DCC: variants seen among roughly 807,000 people sequenced by gnomAD.
DCC encodes DCC netrin 1 receptor, also known as netrin receptor DCC.
Under a neutral mutation model 172.5 loss-of-function variants are expected in DCC, and 58 were observed. The ratio of observed to expected loss-of-function variants is 0.34; its 90% confidence interval spans 0.27 to 0.42. DCC has a LOEUF of 0.42. Among genes scored for constraint, DCC ranks in the 10% least tolerant of loss-of-function variants. DCC has a pLI of 1.00. For synonymous variants in DCC, 709 were observed against 644.5 expected, an observed-to-expected ratio of 1.10 and a Z score of -1.52; for missense variants, 1,740 against 1,791.0, an observed-to-expected ratio of 0.97 and a Z score of 0.51.
intron 1 of DCC, among the ~76,000 whole-genome samples, chr18:52,374,629 C>G (rs1985269151): frequency 6.6e-6 from 1 of 151,946 alleles, no homozygotes; most frequent in Non-Finnish European, 1.5e-5. Flanking sequence ...CTTTTGAAAC[C>G]AAGGAAATGA....
chr18:52,854,689 C>T (rs968424558), intron 2 of DCC, among the ~76,000 whole-genome samples: 1 of 152,166 alleles, frequency 6.6e-6, no homozygotes, highest in African/African-American at 2.4e-5. Context: ...AAAATAGAAT[C>T]GCCTTGTAAG....
chr18:52,920,007 GAATGTCCATATACAAAA>G (rs1344112061), intron 3 of DCC, among the ~76,000 whole-genome samples: 2 of 88,158 alleles, frequency 2.3e-5, no homozygotes, highest in East Asian at 6.9e-4. Context: ...TGGAACAATA[GAATGTCCATATACAAAA>G]AAAAAAAAAA....
intron 1 of DCC, among the ~76,000 whole-genome samples, chr18:52,367,191 G>A (rs1054012316): frequency 1.9e-4 from 28 of 150,774 alleles, no homozygotes; most frequent in African/African-American, 6.7e-4. Context: ...CTGGCCGACT[G>A]CTCTGAGTGC....
At chr18:53,048,492 TGTGTGTG>T (rs2042289419) in intron 5 of DCC, among the ~76,000 whole-genome samples, 1 of 52,484 alleles carries the variant, frequency 1.9e-5, no homozygotes, top group Non-Finnish European at 3.2e-5. Flanking sequence ...CCATGGTTTG[TGTGTGTG>T]TGTGTGTGTG....
chr18:53,340,047 T>TACACACAC (rs151131015), intron 15 of DCC, 140 bp downstream of exon 15: 30,438 of 587,582 alleles, frequency 0.052, 396 homozygotes, highest in African/African-American at 0.082. Context: ...ACTGTCTATC[T>TACACACAC]ACACACACAC....
At chr18:52,394,411 G>A (rs1422684013) in intron 1 of DCC, among the ~76,000 whole-genome samples, 1 of 151,782 alleles carries the variant, frequency 6.6e-6, no homozygotes, top group Non-Finnish European at 1.5e-5. Flanking sequence ...GACCACACGT[G>A]TGCTCTACCA....
intron 27 of DCC, among the ~76,000 whole-genome samples, chr18:53,504,951 G>A (rs971840794): frequency 2.0e-5 from 3 of 152,118 alleles, no homozygotes; most frequent in Non-Finnish European, 4.4e-5. Context: ...TAACTTTGAA[G>A]ATAGATAGAT....
chr18:53,092,112 C>T (rs1324174661), intron 7 of DCC, among the ~76,000 whole-genome samples: 10 of 152,062 alleles, frequency 6.6e-5, no homozygotes, highest in Admixed American at 2.6e-4. Flanking sequence ...TGTTCATTTT[C>T]GTCACATAAA....
chr18:52,993,188 A>G (rs1348133798), intron 5 of DCC, among the ~76,000 whole-genome samples: 1 of 152,170 alleles, frequency 6.6e-6, no homozygotes, highest in Non-Finnish European at 1.5e-5. Flanking sequence ...TGAGACCCAC[A>G]AAACTTGTTG....
At chr18:52,711,342 C>G (rs943885622) in intron 1 of DCC, among the ~76,000 whole-genome samples, 2 of 152,166 alleles carry the variant, frequency 1.3e-5, no homozygotes, top group Non-Finnish European at 2.9e-5. Context: ...ATTCTCCTGC[C>G]TCAGCCTCCC....
intron 22 of DCC, among the ~76,000 whole-genome samples, chr18:53,449,823 C>T (rs2045385126): frequency 1.3e-5 from 2 of 152,088 alleles, no homozygotes; most frequent in Non-Finnish European, 2.9e-5. Flanking sequence ...TAAGCTTGGG[C>T]TGCCATCACT....
chr18:53,470,944 ACT>A (rs2045688543), intron 25 of DCC, among the ~76,000 whole-genome samples: 1 of 151,996 alleles, frequency 6.6e-6, no homozygotes, highest in East Asian at 1.9e-4. Flanking sequence ...CTGTTCAGAA[ACT>A]CTAGTTTCAT....
chr18:53,289,222 G>T (rs1220643842), intron 12 of DCC, among the ~76,000 whole-genome samples: 1 of 152,116 alleles, frequency 6.6e-6, no homozygotes, highest in Non-Finnish European at 1.5e-5. Context: ...ATAGGCTCAA[G>T]TTTAGAAAGG....
At chr18:52,948,290 C>T (rs1440184942) in intron 5 of DCC, among the ~76,000 whole-genome samples, 5 of 148,868 alleles carry the variant, frequency 3.4e-5, no homozygotes, top group Non-Finnish European at 7.4e-5. Flanking sequence ...AGTTTCTTAT[C>T]CATAATTCTA....
chr18:53,305,270 A>G lies in DCC; in HGVS notation c.1912-308A>G, dbSNP rs571823489. ...TATTAGTTGACATCTCTCATGCAAT[A>G]TAACCTTATTCTCTATTGTTTTGTG... On this transcript the variant is annotated intron_variant, in intron 12 of 28. Coordinates refer to ENST00000442544, the MANE Select transcript of DCC (RefSeq NM_005215.4). 9.6e-4 allele frequency among the ~76,000 whole-genome samples: 147 copies of G among 152,348 alleles called. 1 individual carries two copies. Among genetic ancestry groups the G allele is most frequent in the Admixed American group, 2.7e-3 (41 of 15,292 alleles).
intron 1 of DCC, among the ~76,000 whole-genome samples, chr18:52,607,958 G>T (rs1240940782): frequency 6.6e-6 from 1 of 152,152 alleles, no homozygotes; most frequent in Non-Finnish European, 1.5e-5. Context: ...AGCAATGTGT[G>T]TTGGGCATAA....
intron 1 of DCC, among the ~76,000 whole-genome samples, chr18:52,416,000 G>A (rs542274970): frequency 2.0e-3 from 302 of 151,904 alleles, no homozygotes; most frequent in Non-Finnish European, 2.6e-3. Context: ...GCTTTCTCTT[G>A]TGGGCATTTA....
intron 27 of DCC, among the ~76,000 whole-genome samples, chr18:53,511,342 A>G (rs2046249074): frequency 6.6e-6 from 1 of 152,246 alleles, no homozygotes; most frequent in Non-Finnish European, 1.5e-5. Flanking sequence ...TCGACCTGCT[A>G]GCTGTAAACT....
chr18:53,382,187 G>A lies in DCC; in HGVS notation c.2360-3856G>A, dbSNP rs114039686. On this transcript the variant is annotated intron_variant, in intron 15 of 28. Transcript: ENST00000442544. ...TAAACACTTAGATAGATGCAAATAC[G>A]GAGATGTATTCAAATTGCGAATGGA... is the stretch of plus-strand genomic sequence containing the variant. Among the ~76,000 whole-genome samples the A allele has an allele frequency of 1.6e-3, 249 of 151,476 alleles. 2 individuals are homozygous for A. Among genetic ancestry groups the A allele is most frequent in the African/African-American group, 5.9e-3 (242 of 41,264 alleles).
Sources: gnomAD v4.1 joint callset for allele counts (sites outside exome capture counted in the v4.1 genomes callset) on GRCh38, gnomAD v4.1.1 for gene constraint, MANE v1.5 for transcripts, NCBI Gene and HGNC (gene_info 2026-07-23, HGNC 2026-07-21) for gene names.